The following GTPBP6 variants were observed in gnomAD, a reference collection of about 807,000 sequenced individuals.
The protein encoded by GTPBP6 is putative GTP-binding protein 6.
In GTPBP6, 33 loss-of-function variants were observed where a neutral mutation model predicts 28.9. The observed-to-expected ratio is 1.14, with a 90% CI of 0.87 to 1.53. The LOEUF (loss-of-function observed/expected upper bound fraction) is 1.53. GTPBP6 is among the 40% of genes most tolerant of loss of function. The pLI, the probability that GTPBP6 is intolerant of heterozygous loss-of-function variation, is 0.00. For synonymous variants in GTPBP6, 231 were observed against 192.7 expected, an observed-to-expected ratio of 1.20 and a Z score of -1.65; for missense variants, 507 against 408.3, an observed-to-expected ratio of 1.24 and a Z score of -2.08.
At chrX:318,399 C>G in intron 1 of GTPBP6, 40 bp downstream of exon 1, 2 of 394,956 alleles carry the variant, frequency 5.1e-6, no homozygotes, top group Non-Finnish European at 4.5e-6. Context: ...CCCCAGGTCT[C>G]CAGCTCCTGT....
intron 9 of GTPBP6, among the ~76,000 whole-genome samples, chrX:305,552 A>T (rs1377255913): frequency 6.7e-6 from 1 of 150,124 alleles, no homozygotes; most frequent in African/African-American, 2.5e-5. Context: ...CGATCTCCTG[A>T]CTTCGTGATC....
intron 7 of GTPBP6, 109 bp downstream of exon 7, chrX:311,310 G>GCTGTGTGTGTCGGAGTGCCCCGCCCCCGT (rs2070287734): frequency 1.5e-6 from 1 of 683,876 alleles, no homozygotes; most frequent in African/African-American, 1.9e-5. Context: ...CCGGCCCCTG[G>GCTGTGTGTGTCGGAGTGCCCCGCCCCCGT]GCTGAGTGGG....
chrX:312,304 G>C, intron 6 of GTPBP6: 1 of 443,602 alleles, frequency 2.3e-6, no homozygotes, highest in South Asian at 1.6e-5. Context: ...GGATTATGTA[G>C]ACGGGGTGGT....
intron 6 of GTPBP6, 52 bp from the exon 7 acceptor site, chrX:311,679 C>T (rs1372457061): frequency 7.0e-7 from 1 of 1,426,664 alleles, no homozygotes; most frequent in Non-Finnish European, 9.9e-7. Flanking sequence ...GTCCCAACTC[C>T]TAGCGCCGCA....
chrX:311,383 G>A (rs1357838581), intron 7 of GTPBP6, 36 bp downstream of exon 7: 4 of 1,521,098 alleles, frequency 2.6e-6, no homozygotes, highest in Non-Finnish European at 1.8e-6. Context: ...CCGAATGGGT[G>A]TCCGAGCACC....
At chrX:311,378 T>G in intron 7 of GTPBP6, 41 bp downstream of exon 7, 1 of 1,460,078 alleles carries the variant, frequency 6.8e-7, no homozygotes, top group Non-Finnish European at 9.4e-7. Context: ...CCGTGCCGAA[T>G]GGGTGTCCGA....
intron 1 of GTPBP6, among the ~76,000 whole-genome samples, chrX:317,554 CTGGGGGG>C (rs1183986557): frequency 1.7e-5 from 1 of 59,660 alleles, no homozygotes; most frequent in Non-Finnish European, 2.9e-5. Flanking sequence ...GCATTTCCTC[CTGGGGGG>C]TGGGGGGTGG....
At chrX:312,550 C>T (rs772162554) in intron 6 of GTPBP6, 1 of 702,082 alleles carries the variant, frequency 1.4e-6, no homozygotes, top group South Asian at 1.5e-5. Flanking sequence ...CTGTACCCCA[C>T]ACAGAGACCA....
intron 1 of GTPBP6, among the ~76,000 whole-genome samples, chrX:318,114 C>T (rs2070474240): frequency 6.7e-6 from 1 of 150,198 alleles, no homozygotes; most frequent in South Asian, 2.1e-4. Context: ...CCCTGGGTCT[C>T]CACCTATGAG....
intron 6 of GTPBP6, chrX:311,994 CAG>C (rs1173444813): frequency 6.2e-5 from 32 of 517,392 alleles, no homozygotes; most frequent in Middle Eastern, 5.3e-4. Context: ...GGTGTAGACA[CAG>C]GGGAGGTGAT....
At chrX:314,256 C>T (rs1414205407) in intron 4 of GTPBP6, 39 bp from the exon 5 acceptor site, 1 of 1,532,464 alleles carries the variant, frequency 6.5e-7, no homozygotes, top group East Asian at 2.2e-5. Context: ...TCTGCGGACG[C>T]TGTCTCCCTC....
chrX:310,814 G>A (rs1463513549), intron 7 of GTPBP6, among the ~76,000 whole-genome samples: 1 of 151,874 alleles, frequency 6.6e-6, no homozygotes, highest in Non-Finnish European at 1.5e-5. Context: ...CCCCATTTGT[G>A]GCCCCTTTTG....
At chrX:312,656 G>T (rs760241270) in intron 6 of GTPBP6, 110 bp downstream of exon 6, 25 of 1,135,480 alleles carry the variant, frequency 2.2e-5, no homozygotes, top group Non-Finnish European at 3.3e-5. Flanking sequence ...GCTCACCGCA[G>T]CTGTCGTACG....
At chrX:316,631 G>C (rs1313555079) in intron 2 of GTPBP6, among the ~76,000 whole-genome samples, 2 of 152,094 alleles carry the variant, frequency 1.3e-5, no homozygotes, top group African/African-American at 2.4e-5. Flanking sequence ...GGTTACAGCC[G>C]GTCCACCGCC....
chrX:304,969 G>T, exon 10 of GTPBP6: 1 of 1,522,530 alleles, frequency 6.6e-7, no homozygotes, highest in East Asian at 2.4e-5. Flanking sequence ...ACCAGACAAG[G>T]AGGACCCTGC....
chrX:312,391 G>A (rs1187946640), intron 6 of GTPBP6: 1 of 498,258 alleles, frequency 2.0e-6, no homozygotes, highest in African/African-American at 1.9e-5. Context: ...GTAGATGGGT[G>A]GATTGTGTAG....
At chrX:311,857 ATGG>A (rs1440440902) in intron 6 of GTPBP6, 10 of 243,360 alleles carry the variant, frequency 4.1e-5, no homozygotes, top group East Asian at 2.2e-4. Flanking sequence ...CACGGGGGAG[ATGG>A]TGGTGTGGAC....
chrX:305,310 T>A, intron 9 of GTPBP6, 113 bp from the exon 10 acceptor site: 2 of 790,452 alleles, frequency 2.5e-6, no homozygotes, highest in Non-Finnish European at 4.1e-6. Flanking sequence ...CATCAGACCG[T>A]CCTGTTTCCT....
intron 8 of GTPBP6, 47 bp from the exon 9 acceptor site, chrX:307,559 C>T (rs749005848): frequency 1.6e-5 from 25 of 1,591,548 alleles, no homozygotes; most frequent in East Asian, 1.4e-4. Context: ...TCGGGGCGGC[C>T]GGACGAAATC....
Sources: gnomAD v4.1 joint callset for allele counts (sites outside exome capture counted in the v4.1 genomes callset) on GRCh38, gnomAD v4.1.1 for gene constraint, MANE v1.5 for transcripts, NCBI Gene and HGNC (gene_info 2026-07-23, HGNC 2026-07-21) for gene names.